The following FNBP4 variants were observed in gnomAD, a reference collection of about 807,000 sequenced individuals.
FNBP4 encodes formin binding protein 4, also known as formin-binding protein 4.
FNBP4 carries 34 observed loss-of-function variants against 119.3 expected under a neutral mutation model. The ratio of observed to expected loss-of-function variants is 0.28; its 90% CI spans 0.22 to 0.38. The LOEUF is 0.38. FNBP4 is among the 10% of genes least tolerant of loss of function. The pLI is 1.00. For synonymous variants in FNBP4, 462 were observed against 430.6 expected (o/e 1.07, Z -0.90); for missense variants, 1,112 against 1,228.9 (o/e 0.90, Z 1.42).
At position 47,734,058 on chromosome 11, in the gene FNBP4, G is replaced by A. The variant is rs755418555; in HGVS notation, c.1653C>T (p.Ile551=). 1.3e-6 allele frequency: 2 copies of A among 1,582,226 alleles called. No homozygotes were observed. Among genetic ancestry groups the A allele is most frequent in the South Asian group, 2.3e-5 (2 of 85,528 alleles). Residue 551 remains isoleucine, a synonymous_variant, in exon 10 of 17, where the codon ATC becomes ATT. Transcript: ENST00000263773. ...GTAAGAGCAGCACATGAAAGTTGGAGATGGATTGTCTATTAATGCCTAGAA... is the reference window on the plus strand; with the variant it reads ...GTAAGAGCAGCACATGAAAGTTGGAAATGGATTGTCTATTAATGCCTAGAA... ...FEFLGINRQS[I]SNFHVLLLQT... is the part of the protein sequence containing the mutation.
intron 12 of FNBP4, among the ~76,000 whole-genome samples, chr11:47,728,290 C>T (rs2097563435): frequency 6.6e-6 from 1 of 151,946 alleles, no homozygotes; most frequent in African/African-American, 2.4e-5. Context: ...AAGCCTGTTG[C>T]CCAGGCTGGA....
At chr11:47,748,079 A>C (rs578219962) in intron 6 of FNBP4, among the ~76,000 whole-genome samples, 1 of 150,934 alleles carries the variant, frequency 6.6e-6, no homozygotes, top group African/African-American at 2.4e-5. Context: ...CGTCTCTACT[A>C]AACTACAAAA....
chr11:47,764,413 C>T (rs548012607), intron 2 of FNBP4, among the ~76,000 whole-genome samples: 164 of 152,166 alleles, frequency 1.1e-3, no homozygotes, highest in Non-Finnish European at 1.9e-3. Context: ...AGTGTTAAGT[C>T]TCAAATGAAA....
intron 12 of FNBP4, chr11:47,729,784 T>C (rs2097565358): frequency 1.5e-5 from 15 of 985,312 alleles, no homozygotes; most frequent in Non-Finnish European, 1.6e-5. Flanking sequence ...GATTAAGAGC[T>C]CTCTTTATTA....
intron 2 of FNBP4, among the ~76,000 whole-genome samples, chr11:47,758,319 T>G (rs1479593591): frequency 6.6e-6 from 1 of 152,108 alleles, no homozygotes; most frequent in Non-Finnish European, 1.5e-5. Context: ...CAAGCCATCC[T>G]CCTGCCTCAG....
At chr11:47,753,123 CA>C in intron 3 of FNBP4, 21 bp from the exon 4 acceptor site, 1 of 1,563,982 alleles carries the variant, frequency 6.4e-7, no homozygotes, top group Non-Finnish European at 8.6e-7. Flanking sequence ...AAAAGAGTAA[CA>C]AATGCAGTAA....
At chr11:47,724,227 G>A (rs773762101) in intron 13 of FNBP4, 55 bp from the exon 14 acceptor site, 158 of 1,591,466 alleles carry the variant, frequency 9.9e-5, no homozygotes, top group Admixed American at 3.5e-4. Flanking sequence ...AACATAGCCC[G>A]CTCCCACCTC....
At chr11:47,738,871 TTTTTTTTTTTTTTA>T in intron 8 of FNBP4, among the ~76,000 whole-genome samples, 2 of 71,388 alleles carry the variant, frequency 2.8e-5, no homozygotes, top group African/African-American at 1.1e-4. Context: ...TTTTTTTTTT[TTTTTTTTTTTTTTA>T]GTAGAGACAG....
intron 8 of FNBP4, among the ~76,000 whole-genome samples, chr11:47,739,307 T>G (rs1269506219): frequency 6.6e-6 from 1 of 152,152 alleles, no homozygotes; most frequent in Non-Finnish European, 1.5e-5. Flanking sequence ...ATATTCCCTC[T>G]TTATTATCAA....
chr11:47,740,230 C>CTT (rs2097579990), intron 8 of FNBP4, among the ~76,000 whole-genome samples: 2 of 151,868 alleles, frequency 1.3e-5, no homozygotes, highest in East Asian at 4.0e-4. Context: ...GCCTGGCCAA[C>CTT]ATGATAAAAC....
intron 4 of FNBP4, 39 bp from the exon 5 acceptor site, chr11:47,751,329 C>T (rs780119736): frequency 6.2e-7 from 1 of 1,611,550 alleles, no homozygotes; most frequent in South Asian, 1.1e-5. Flanking sequence ...AATCCCTCTA[C>T]AATTCTGGCT....
At chr11:47,754,693 TAAC>T (rs2097612581) in intron 2 of FNBP4, 29 bp from the exon 3 acceptor site, 2 of 1,608,618 alleles carry the variant, frequency 1.2e-6, no homozygotes, top group Non-Finnish European at 1.7e-6. Flanking sequence ...ACAGTATTTG[TAAC>T]AACAATGTCA....
At chr11:47,728,846 GTCT>G (rs2097564115) in intron 12 of FNBP4, among the ~76,000 whole-genome samples, 2 of 81,450 alleles carry the variant, frequency 2.5e-5, no homozygotes, top group Non-Finnish European at 4.6e-5. Context: ...TTCTGTAGGC[GTCT>G]TTTTTTTTTT....
chr11:47,752,463 AAGAC>A (rs1238183171), intron 4 of FNBP4, among the ~76,000 whole-genome samples: 2 of 151,484 alleles, frequency 1.3e-5, no homozygotes, highest in Admixed American at 6.6e-5. Context: ...TAAAAATAAA[AAGAC>A]AGAATCCTAA....
At chr11:47,724,207 G>C in intron 13 of FNBP4, 35 bp from the exon 14 acceptor site, 1 of 1,611,462 alleles carries the variant, frequency 6.2e-7, no homozygotes, top group Non-Finnish European at 8.5e-7. Flanking sequence ...GTGGCTGAAG[G>C]CCATGGTTAA....
At chr11:47,766,400 G>C (rs1249155676) in intron 1 of FNBP4, among the ~76,000 whole-genome samples, 1 of 152,216 alleles carries the variant, frequency 6.6e-6, no homozygotes, top group Non-Finnish European at 1.5e-5. Flanking sequence ...TCCAGGCTAT[G>C]ATAGGACCTT....
At chr11:47,740,231 A>G (rs1184419924) in intron 8 of FNBP4, among the ~76,000 whole-genome samples, 2 of 151,898 alleles carry the variant, frequency 1.3e-5, no homozygotes, top group Admixed American at 1.3e-4. Context: ...CCTGGCCAAC[A>G]TGATAAAACC....
In FNBP4 at chr11:47,723,225, C is replaced by G; in HGVS notation, c.2556G>C (p.Gln852His). The part of the protein sequence containing the change: ...VSLPAAGMGH[Q>H]ARGMSLQSNY... ...TTGACTGCAGGCTCATTCCTCTGGCCTGATGACCCATTCCTGCTGCTGGAA... is the reference window on the plus strand; with the variant it reads ...TTGACTGCAGGCTCATTCCTCTGGCGTGATGACCCATTCCTGCTGCTGGAA... Residue 852 changes from glutamine to histidine, a missense_variant, in exon 15 of 17, where the codon CAG (glutamine) becomes CAC (histidine). Coordinates refer to ENST00000263773, the MANE Select transcript of FNBP4 (RefSeq NM_015308.5). 1 of 1,614,188 alleles carries G rather than the reference C, an allele frequency of 6.2e-7. No individual in the cohort carries two copies. The highest frequency in any genetic ancestry group is 1.1e-5 in the South Asian group (1 of 91,080).
intron 1 of FNBP4, among the ~76,000 whole-genome samples, chr11:47,765,683 C>T (rs1400151364): frequency 1.3e-5 from 2 of 149,764 alleles, no homozygotes; most frequent in African/African-American, 4.9e-5. Context: ...CATGATGGCA[C>T]TCGCTTGTAA....
Sources: gnomAD v4.1 joint callset for allele counts (sites outside exome capture counted in the v4.1 genomes callset) on GRCh38, gnomAD v4.1.1 for gene constraint, MANE v1.5 for transcripts, NCBI Gene and HGNC (gene_info 2026-07-23, HGNC 2026-07-21) for gene names.